Variants in ZFHX3 observed in about 807,000 individuals in gnomAD.
ZFHX3 encodes the protein zinc finger homeobox protein 3.
ZFHX3 carries 42 observed loss-of-function variants against 279.1 expected under a neutral mutation model. That is an observed-to-expected ratio of 0.15 (90% CI 0.12 to 0.19). The LOEUF (loss-of-function observed/expected upper bound fraction) is 0.19. ZFHX3 is among the 10% of genes least tolerant of loss of function. ZFHX3 has a pLI of 1.00. For missense variants in ZFHX3, 4,981 were observed against 4,754.0 expected (o/e 1.05, Z -1.40); for synonymous variants, 2,293 against 1,957.8 (o/e 1.17, Z -4.52).
At chr16:72,923,934 A>C (rs543089498) in intron 3 of ZFHX3, among the ~76,000 whole-genome samples, 38 of 152,346 alleles carry the variant, frequency 2.5e-4, no homozygotes, top group African/African-American at 7.2e-4. Context: ...CTGGTTCACA[A>C]CACGATTACT....
chr16:72,950,316 C>T (rs12149928), intron 3 of ZFHX3, among the ~76,000 whole-genome samples, 153 bp downstream of exon 3: 3,614 of 152,146 alleles, frequency 0.024, 91 homozygotes, highest in South Asian at 0.062. Flanking sequence ...AAGTGGACAC[C>T]GCCGACTCTC....
chr16:73,346,565 C>T (rs1024389537), intron 3 of ZFHX3, among the ~76,000 whole-genome samples: 5 of 152,036 alleles, frequency 3.3e-5, no homozygotes, highest in Non-Finnish European at 7.4e-5. Context: ...TCCACCTCCC[C>T]GGTTCAAGCG....
rs761819493 is a variant in ZFHX3 at position 72,957,797 on chromosome 16, TGCCGCCGCCGCCGCAGCCACCGCCGCC to T, written c.2322_2348del (p.Ala776_Ala784del). On this transcript the variant is annotated inframe_deletion, in exon 2 of 10. Coordinates refer to ENST00000268489, the MANE Select transcript of ZFHX3 (RefSeq NM_006885.4). ...CCCCGCAGGAGCTACTGATATTGGC[TGCCGCCGCCGCCGCAGCCACCGCCGCC>T]GCCGCCGCCCCGGCAGTGTGGCTGA... 7.9e-5 allele frequency: 127 copies of T among 1,608,126 alleles called. No individual in the cohort carries two copies. In the Middle Eastern group the frequency reaches 8.3e-4, roughly 10 times the overall value.
intron 1 of ZFHX3, among the ~76,000 whole-genome samples, chr16:73,887,614 G>C (rs764875474): frequency 6.6e-6 from 1 of 152,034 alleles, no homozygotes; most frequent in Non-Finnish European, 1.5e-5. Flanking sequence ...CTTCTTTAGA[G>C]TAGATGAATT....
intron 5 of ZFHX3, among the ~76,000 whole-genome samples, chr16:73,239,413 C>A (rs2013051375): frequency 6.6e-6 from 1 of 152,208 alleles, no homozygotes; most frequent in Non-Finnish European, 1.5e-5. Context: ...GGAGGAAACA[C>A]TAAATTAACA....
At chr16:73,092,474 G>A (rs559613895) in intron 8 of ZFHX3, 1 of 157,132 alleles carries the variant, frequency 6.4e-6, no homozygotes, top group East Asian at 1.9e-4. Flanking sequence ...AGACAACTGT[G>A]GGGAGAGCAA....
intron 1 of ZFHX3, among the ~76,000 whole-genome samples, chr16:72,999,137 G>C (rs752976691): frequency 2.6e-5 from 4 of 152,094 alleles, no homozygotes; most frequent in Non-Finnish European, 4.4e-5. Flanking sequence ...AACTGAGGTG[G>C]TGCCTACACA....
intron 1 of ZFHX3, among the ~76,000 whole-genome samples, chr16:73,041,625 G>C (rs950130622): frequency 6.6e-6 from 1 of 152,182 alleles, no homozygotes; most frequent in African/African-American, 2.4e-5. Flanking sequence ...GATTCCATCA[G>C]AACAGAGATG....
At chr16:73,842,016 A>T (rs968834807) in intron 1 of ZFHX3, among the ~76,000 whole-genome samples, 16 of 151,474 alleles carry the variant, frequency 1.1e-4, no homozygotes, top group Non-Finnish European at 1.8e-4. Context: ...GGAGTTCAAG[A>T]CCAGCCTGAC....
chr16:73,058,480 AGGC>A (rs532746572), intron 1 of ZFHX3: 79 of 158,928 alleles, frequency 5.0e-4, no homozygotes, highest in East Asian at 9.4e-4. Flanking sequence ...GAGGAGGAGC[AGGC>A]GGCGGCGGCG....
At chr16:73,034,637 A>G (rs1964835222) in intron 1 of ZFHX3, among the ~76,000 whole-genome samples, 1 of 152,224 alleles carries the variant, frequency 6.6e-6, no homozygotes, top group Admixed American at 6.5e-5. Context: ...CTGTGATTTC[A>G]GTAATATACA....
At chr16:72,992,311 G>A (rs1422094704) in intron 1 of ZFHX3, among the ~76,000 whole-genome samples, 1 of 152,052 alleles carries the variant, frequency 6.6e-6, no homozygotes, top group African/African-American at 2.4e-5. Flanking sequence ...CCCCCACAGC[G>A]AGGATCCTAC....
At chr16:72,801,564 G>A (rs1597249382) in intron 7 of ZFHX3, among the ~76,000 whole-genome samples, 1 of 152,048 alleles carries the variant, frequency 6.6e-6, no homozygotes, top group South Asian at 2.1e-4. Flanking sequence ...AGATGCCAGC[G>A]GGTGCAAAAA....
intron 2 of ZFHX3, among the ~76,000 whole-genome samples, chr16:73,610,323 ACC>A (rs2052232472): frequency 6.6e-6 from 1 of 152,082 alleles, no homozygotes; most frequent in Non-Finnish European, 1.5e-5. Flanking sequence ...ATGGTTTCAC[ACC>A]TCCATCGTCG....
chr16:73,707,768 G>C (rs12934137), intron 1 of ZFHX3, among the ~76,000 whole-genome samples: 116,308 of 151,212 alleles, frequency 0.77, 46,986 homozygotes, highest in Non-Finnish European at 0.89. Flanking sequence ...AAAAAAACAG[G>C]AGAAACAAAA....
rs568857552 is a variant in ZFHX3 at position 73,830,301 on chromosome 16, G to C, written c.-1608+61350C>G. Among the ~76,000 whole-genome samples the C allele has an allele frequency of 1.8e-4, 26 of 147,394 alleles. No individual in the cohort carries two copies. In the South Asian group the frequency reaches 4.8e-3, roughly 27 times the overall value. On this transcript the variant is annotated intron_variant, in intron 1 of 17. Coordinates refer to the ZFHX3 transcript ENST00000641206. ...GCACACACACTGGCCTGCGCCCACT[G>C]TCTGGCACTCCCTAGTGAGATGAAC...
At chr16:73,726,092 A>C (rs1469996216) in intron 1 of ZFHX3, among the ~76,000 whole-genome samples, 1 of 152,162 alleles carries the variant, frequency 6.6e-6, no homozygotes, top group Non-Finnish European at 1.5e-5. Context: ...ATACAAATAG[A>C]CTAATGATAA....
intron 1 of ZFHX3, among the ~76,000 whole-genome samples, chr16:73,739,587 C>A (rs1005762022): frequency 2.0e-5 from 3 of 152,140 alleles, no homozygotes; most frequent in Non-Finnish European, 4.4e-5. Flanking sequence ...GCTTCCATGC[C>A]TGGTGAGTCA....
At chr16:73,548,484 A>AT (rs2020157450) in intron 2 of ZFHX3, among the ~76,000 whole-genome samples, 1 of 151,982 alleles carries the variant, frequency 6.6e-6, no homozygotes, top group African/African-American at 2.4e-5. Context: ...TTTTTTAAAA[A>AT]AAAGTGCAAT....
Sources: allele counts gnomAD v4.1 joint callset (sites outside exome capture counted in the v4.1 genomes callset), GRCh38; gene constraint gnomAD v4.1.1; transcripts MANE v1.5; gene names NCBI Gene and HGNC (gene_info 2026-07-23, HGNC 2026-07-21).